DMGDH: variants seen among roughly 807,000 people sequenced by gnomAD.
DMGDH encodes the protein dimethylglycine dehydrogenase.
DMGDH carries 76 observed loss-of-function variants against 95.2 expected under a neutral mutation model. The ratio of observed to expected loss-of-function variants is 0.80; its 90% confidence interval spans 0.66 to 0.97. The LOEUF is 0.97. Ranked by LOEUF, DMGDH falls within the 50% of genes least tolerant of loss-of-function variation. The pLI is 0.00. For synonymous variants in DMGDH, 345 were observed against 377.6 expected (o/e 0.91, Z 1.00); for missense variants, 987 against 1,055.0 (o/e 0.94, Z 0.89).
intron 15 of DMGDH, among the ~76,000 whole-genome samples, chr5:78,998,913 G>A (rs903703290): frequency 5.3e-5 from 8 of 151,944 alleles, no homozygotes; most frequent in African/African-American, 1.7e-4. Context: ...CAGGTCTAAA[G>A]GAAAGAATGA....
At chr5:79,038,021 G>A (rs1442523412) in intron 7 of DMGDH, among the ~76,000 whole-genome samples, 1 of 152,144 alleles carries the variant, frequency 6.6e-6, no homozygotes, top group East Asian at 1.9e-4. Context: ...CAGATTCAAT[G>A]CAATCTCTAT....
intron 7 of DMGDH, among the ~76,000 whole-genome samples, chr5:79,035,978 C>A (rs1396828461): frequency 6.6e-6 from 1 of 152,036 alleles, no homozygotes; most frequent in African/African-American, 2.4e-5. Context: ...CTGGAGAATC[C>A]CTGGCTTAGC....
At chr5:79,042,512 C>T in intron 6 of DMGDH, 31 bp from the exon 7 acceptor site, 1 of 1,607,184 alleles carries the variant, frequency 6.2e-7, no homozygotes, top group East Asian at 2.2e-5. Flanking sequence ...GGTCAGGATG[C>T]CGTAGCTGAG....
intron 7 of DMGDH, among the ~76,000 whole-genome samples, chr5:79,041,734 C>A (rs1397433696): frequency 6.6e-6 from 1 of 152,122 alleles, no homozygotes; most frequent in African/African-American, 2.4e-5. Context: ...GTGGTTCACA[C>A]CTGTAATCCC....
At chr5:79,012,269 G>C (rs982874080) in intron 14 of DMGDH, among the ~76,000 whole-genome samples, 2 of 152,150 alleles carry the variant, frequency 1.3e-5, no homozygotes, top group Admixed American at 6.5e-5. Flanking sequence ...AAATCTTAAG[G>C]CTCCAAAATA....
intron 10 of DMGDH, 80 bp from the exon 11 acceptor site, chr5:79,030,114 G>A (rs1310918599): frequency 3.2e-6 from 4 of 1,238,298 alleles, no homozygotes; most frequent in Non-Finnish European, 4.6e-6. Flanking sequence ...AAATAACAAT[G>A]TGGGTGTTAA....
chr5:79,028,199 C>G (rs1458655021), intron 12 of DMGDH, among the ~76,000 whole-genome samples: 1 of 151,966 alleles, frequency 6.6e-6, no homozygotes, highest in Non-Finnish European at 1.5e-5. Context: ...GGAGCAACAA[C>G]TAGAAATCTG....
intron 14 of DMGDH, among the ~76,000 whole-genome samples, chr5:79,005,998 T>C (rs185025803): frequency 3.8e-4 from 58 of 152,170 alleles, no homozygotes; most frequent in Admixed American, 6.6e-4. Flanking sequence ...CAAAATGAGT[T>C]AGACACAGAC....
chr5:79,032,578 C>T (rs1168590136), intron 9 of DMGDH, 109 bp downstream of exon 9: 10 of 1,482,450 alleles, frequency 6.7e-6, no homozygotes, highest in Admixed American at 1.7e-5. Context: ...GCTCAGTGCT[C>T]CTTGGAACAG....
At chr5:79,046,560 T>G (rs766797736) in intron 5 of DMGDH, among the ~76,000 whole-genome samples, 13 of 152,144 alleles carry the variant, frequency 8.5e-5, no homozygotes, top group Non-Finnish European at 1.8e-4. Context: ...GCTAATTTTG[T>G]ATCTTTTATG....
intron 5 of DMGDH, among the ~76,000 whole-genome samples, chr5:79,049,538 A>G (rs1161203125): frequency 6.6e-6 from 1 of 152,230 alleles, no homozygotes. Context: ...AGTATTTGCT[A>G]TAATGATGAA....
At chr5:79,046,795 A>G (rs1402999579) in intron 5 of DMGDH, among the ~76,000 whole-genome samples, 1 of 152,268 alleles carries the variant, frequency 6.6e-6, no homozygotes, top group East Asian at 1.9e-4. Flanking sequence ...ATTTTTAAAT[A>G]TACAAAAATC....
chr5:79,018,359 A>C (rs1284040456), intron 14 of DMGDH, among the ~76,000 whole-genome samples: 1 of 152,208 alleles, frequency 6.6e-6, no homozygotes, highest in African/African-American at 2.4e-5. Context: ...AAACATAACA[A>C]CACAAATGAC....
chr5:79,056,032 G>C lies in DMGDH; in HGVS notation c.277-124C>G, dbSNP rs1303569772. 1.6e-5 allele frequency: 11 copies of C among 697,268 alleles called. No individual in the cohort carries two copies. In the African/African-American group the frequency reaches 1.8e-4, roughly 11 times the overall value. 43.2% of individuals were successfully genotyped at this position (697,268 alleles called of 1,614,324 possible). ...CTGAGAAGCACCAGCCAGTCCTTTG[G>C]GATGAGAACACATCAGCACCAGTTT... On this transcript the variant is annotated intron_variant, in intron 2 of 15. Transcript: ENST00000255189.
rs532613798 is a variant in DMGDH, at chr5:79,001,952, T to C, written c.2385+3321A>G. ...AATCTTCCAGGTTCAATTAGATCCATTCTGCCTTTTAGTTCAGTGAACTGT... is the reference window on the plus strand; with the variant it reads ...AATCTTCCAGGTTCAATTAGATCCACTCTGCCTTTTAGTTCAGTGAACTGT... On this transcript the variant is annotated intron_variant, in intron 15 of 15. Transcript: ENST00000255189. 2.6e-5 allele frequency among the ~76,000 whole-genome samples: 4 copies of C among 152,366 alleles called. No individual in the cohort carries two copies. The South Asian group carries it at 8.3e-4, about 32-fold the overall frequency.
chr5:78,998,327 A>G lies in DMGDH; in HGVS notation c.2386-30T>C, dbSNP rs113160103. Reference sequence around the variant, plus strand: ...AAAACAAGACCCAACAGTCCTCAGCATCTTGGTCACAGCTCTGTGCTCCTC... The same window carrying G: ...AAAACAAGACCCAACAGTCCTCAGCGTCTTGGTCACAGCTCTGTGCTCCTC... On this transcript the variant is annotated intron_variant, in intron 15 of 15. Coordinates refer to ENST00000255189, the MANE Select transcript of DMGDH (RefSeq NM_013391.3). 138 of 1,594,164 alleles carry G rather than the reference A, an allele frequency of 8.7e-5. 1 individual carries two copies. In the African/African-American group the frequency reaches 1.0e-3, roughly 12 times the overall value.
chr5:79,017,611 T>C (rs1753759387), intron 14 of DMGDH, among the ~76,000 whole-genome samples: 2 of 152,198 alleles, frequency 1.3e-5, no homozygotes, highest in Admixed American at 6.5e-5. Context: ...TCTTACAAAG[T>C]TACCATACAC....
intron 14 of DMGDH, among the ~76,000 whole-genome samples, chr5:79,005,846 CA>C (rs1315030188): frequency 1.3e-5 from 2 of 152,066 alleles, no homozygotes; most frequent in African/African-American, 2.4e-5. Context: ...ACCCAAAATG[CA>C]GTATTTTTTT....
Position 79,069,564 on chromosome 5 carries a change from C to A in DMGDH, c.57G>T (p.Leu19=). Residue 19 remains leucine, a synonymous_variant, in exon 1 of 16, where the codon CTG becomes CTT. Transcript: ENST00000255189. The part of the protein sequence containing the change: ...LRGLLLRSCP[L]QGSPGRPRSV... ...AGCGCGGGCGCCCGGGGGAGCCCTGCAGCGGGCAGCTCCGCAGCAGGAGGC... is the reference window on the plus strand; with the variant it reads ...AGCGCGGGCGCCCGGGGGAGCCCTGAAGCGGGCAGCTCCGCAGCAGGAGGC... 7.4e-7 allele frequency: 1 copy of A among 1,342,458 alleles called. No homozygotes were observed. The highest frequency in any genetic ancestry group is 3.1e-5 in the East Asian group (1 of 32,612). 83.2% of individuals were successfully genotyped at this position (1,342,458 alleles called of 1,614,324 possible). A position where few individuals can be genotyped will look rare whatever the true frequency, so the allele number is the denominator to read the frequency against.
Sources: allele counts gnomAD v4.1 joint callset (sites outside exome capture counted in the v4.1 genomes callset), GRCh38; gene constraint gnomAD v4.1.1; transcripts MANE v1.5; gene names NCBI Gene and HGNC (gene_info 2026-07-23, HGNC 2026-07-21).